The following PDE2A variants were observed in gnomAD, a reference collection of about 807,000 sequenced individuals.
The protein encoded by PDE2A is phosphodiesterase 2A.
In PDE2A, 53 loss-of-function variants were observed where a neutral mutation model predicts 133.6. The observed-to-expected ratio is 0.40, with a 90% CI of 0.32 to 0.50. PDE2A has a LOEUF of 0.50. PDE2A is among the 20% of genes least tolerant of loss of function. The pLI is 0.73. For synonymous variants in PDE2A, 491 were observed against 490.2 expected, an observed-to-expected ratio of 1.00 and a Z score of -0.02; for missense variants, 796 against 1,232.4, an observed-to-expected ratio of 0.65 and a Z score of 5.30.
chr11:72,661,572 A>T (rs1855064268), intron 1 of PDE2A, among the ~76,000 whole-genome samples: 1 of 152,204 alleles, frequency 6.6e-6, no homozygotes. Context: ...GGGAGTATGG[A>T]AAGGCCCCTA....
chr11:72,585,757 A>T (rs1855941046), intron 14 of PDE2A, among the ~76,000 whole-genome samples, 164 bp from the exon 15 acceptor site: 1 of 152,236 alleles, frequency 6.6e-6, no homozygotes, highest in Non-Finnish European at 1.5e-5. Flanking sequence ...CTACTAAGTG[A>T]AGGAGTGAGG....
intron 2 of PDE2A, chr11:72,615,154 A>C: frequency 2.1e-6 from 1 of 480,456 alleles, no homozygotes; most frequent in South Asian, 1.5e-5. Context: ...AGTGCCTCCC[A>C]AGGGTGTCCC....
chr11:72,584,740 G>C lies in PDE2A; in HGVS notation c.1360-12C>G. The C allele has an allele frequency of 6.2e-7, 1 of 1,613,008 alleles. No individual in the cohort carries two copies. The highest frequency in any genetic ancestry group is 2.2e-5 in the East Asian group (1 of 44,882). ...CGGATCTCATAGCTCTGCCGGAGCA[G>C]AGATGGAGTCGAGAGGAAGAAGTTA... is the stretch of plus-strand genomic sequence containing the variant. On this transcript the variant is annotated splice_polypyrimidine_tract_variant and intron_variant, in intron 17 of 30. Coordinates refer to ENST00000334456, the MANE Select transcript of PDE2A (RefSeq NM_002599.5).
intron 11 of PDE2A, 71 bp downstream of exon 11, chr11:72,589,680 G>A: frequency 7.7e-7 from 1 of 1,291,846 alleles, no homozygotes; most frequent in South Asian, 1.2e-5. Flanking sequence ...ACTCCAGGCA[G>A]ATCCCAGGAG....
chr11:72,580,939 T>C lies in PDE2A; in HGVS notation c.2080A>G (p.Met694Val), dbSNP rs1160121729. The C allele has an allele frequency of 3.1e-6, 5 of 1,613,308 alleles. No homozygotes were observed. Among genetic ancestry groups the C allele is most frequent in the Non-Finnish European group, 4.2e-6 (5 of 1,179,612 alleles). Residue 694 changes from methionine (M) to valine (V), a missense_variant, in exon 24 of 31, where the codon ATG (methionine) becomes GTG (valine). Transcript: ENST00000334456. Reference sequence around the variant, plus strand: ...CCTCTGTGGTCCAGGTCATGACACATGCAGGAAATAAACAAGGCAAAGATC... The same window carrying C: ...CCTCTGTGGTCCAGGTCATGACACACGCAGGAAATAAACAAGGCAAAGATC... ...IEIFALFISCMCHDLDHRGTN... is the reference protein window; with the variant it reads ...IEIFALFISCVCHDLDHRGTN...
In PDE2A at chr11:72,579,732, G is replaced by C. The variant is rs1591009738; in HGVS notation, c.2182-124C>G. 4 of 662,700 alleles carry C rather than the reference G, an allele frequency of 6.0e-6. No individual in the cohort carries two copies. The Admixed American group carries it at 1.1e-4, about 18-fold the overall frequency. 41.1% of individuals were successfully genotyped at this position (662,700 alleles called of 1,614,324 possible). A position where few individuals can be genotyped will look rare whatever the true frequency, so the allele number is the denominator to read the frequency against. ...CCAGGTCAGCAGAGCAGTCAGAAAG[G>C]GGGAGTCAGGGGCCCCAGTTCCCTT... On this transcript the variant is annotated intron_variant, in intron 25 of 30. Transcript: ENST00000334456.
At chr11:72,663,417 C>G (rs897814233) in intron 1 of PDE2A, among the ~76,000 whole-genome samples, 5 of 152,166 alleles carry the variant, frequency 3.3e-5, no homozygotes, top group African/African-American at 1.2e-4. Flanking sequence ...ACTCAGGAGA[C>G]CTCAGTGAAT....
rs200300128 is a variant in PDE2A, at chr11:72,591,309, C to T, written c.537G>A (p.Ala179=). The T allele has an allele frequency of 1.3e-5, 21 of 1,613,584 alleles. No individual in the cohort carries two copies. Among genetic ancestry groups the T allele is most frequent in the South Asian group, 4.4e-5 (4 of 91,072 alleles). ...CACTCCCACTCACATGCTTCTCCAC[C>T]GCCTGCAGGCTCCATTCCTCATTAT... ...LSDNEEWSLQ[A]VEKHTLVALR... The change falls in exon 7 of 31, where the codon GCG becomes GCA. Residue 179 remains alanine (A), a synonymous_variant. Coordinates refer to ENST00000334456, the MANE Select transcript of PDE2A (RefSeq NM_002599.5).
chr11:72,594,336 T>C (rs1856379480), intron 6 of PDE2A, among the ~76,000 whole-genome samples: 1 of 152,188 alleles, frequency 6.6e-6, no homozygotes. Flanking sequence ...TTCTGCACCC[T>C]CTGCCCTCAG....
chr11:72,639,608 G>T (rs1224942696), intron 2 of PDE2A, among the ~76,000 whole-genome samples: 2 of 152,064 alleles, frequency 1.3e-5, no homozygotes, highest in African/African-American at 4.8e-5. Flanking sequence ...TTGCTGCCAC[G>T]TGCATCCTCT....
At position 72,597,390 on chromosome 11, in the gene PDE2A, G is replaced by C; in HGVS notation, c.433+120C>G. On this transcript the variant is annotated intron_variant, in intron 5 of 30. Coordinates refer to ENST00000334456, the MANE Select transcript of PDE2A (RefSeq NM_002599.5). This position sits in a 1 kb window ranked among gnomAD's most constrained non-coding sequence, Gnocchi z 4.6. The stretch of plus-strand genomic sequence containing the variant: ...AGATGGAGGGACTGCTAGAGACACA[G>C]AGCAAGAGAAAGAAGGAGACAGAGA... 3.2e-6 allele frequency: 2 copies of C among 626,896 alleles called. No homozygotes were observed. The highest frequency in any genetic ancestry group is 5.7e-6 in the Non-Finnish European group (2 of 351,840). The allele number at this position is 626,896 out of a possible 1,614,324, so 38.8% of individuals were successfully genotyped here.
chr11:72,642,472 CCCCGCCCCGG>C lies in PDE2A; in HGVS notation c.72-156_72-147del, dbSNP rs1448664958. 99 of 862,936 alleles carry C rather than the reference CCCCGCCCCGG, an allele frequency of 1.1e-4. 1 individual carries two copies. The highest frequency in any genetic ancestry group is 4.1e-4 in the East Asian group (4 of 9,824). 53.5% of individuals were successfully genotyped at this position (862,936 alleles called of 1,614,324 possible). ...TGGTCCGCCCGAGTGTCCGCCCCGG[CCCCGCCCCGG>C]CCCGCCCCCCGCCCGCCCCCGGCCC... On this transcript the variant is annotated intron_variant, in intron 1 of 30. Coordinates refer to ENST00000334456, the MANE Select transcript of PDE2A (RefSeq NM_002599.5).
rs566392457 is a variant in PDE2A, at chr11:72,672,726, C to A, written c.71+1411G>T. 5.3e-5 allele frequency among the ~76,000 whole-genome samples: 8 copies of A among 150,050 alleles called. No individual in the cohort carries two copies. In the South Asian group the frequency reaches 1.7e-3, roughly 32 times the overall value. The stretch of plus-strand genomic sequence containing the variant: ...CCACCTGTTAGCATGACGTTGATCT[C>A]TACTGCTTAATTATTCTCAAGCTAT... On this transcript the variant is annotated intron_variant, in intron 1 of 30. Coordinates refer to ENST00000334456, the MANE Select transcript of PDE2A (RefSeq NM_002599.5).
intron 2 of PDE2A, among the ~76,000 whole-genome samples, chr11:72,641,632 G>C (rs992246887): frequency 2.0e-5 from 3 of 152,338 alleles, no homozygotes; most frequent in African/African-American, 7.2e-5. Flanking sequence ...CACGAGGAAA[G>C]ACTCGGAGAT....
intron 25 of PDE2A, 30 bp from the exon 26 acceptor site, chr11:72,579,638 C>T: frequency 1.3e-6 from 2 of 1,542,938 alleles, no homozygotes; most frequent in Non-Finnish European, 1.8e-6. Context: ...GGGGGCCCAG[C>T]TGGGGCAGAT....
chr11:72,609,887 G>A (rs1857126952), intron 2 of PDE2A, among the ~76,000 whole-genome samples: 1 of 151,828 alleles, frequency 6.6e-6, no homozygotes, highest in African/African-American at 2.4e-5. Flanking sequence ...TTCAGCATGA[G>A]CCCACAGTGT....
intron 4 of PDE2A, chr11:72,599,094 G>A (rs1856618451): frequency 1.1e-6 from 1 of 941,010 alleles, no homozygotes; most frequent in African/African-American, 1.8e-5. Flanking sequence ...TGGTTAACCG[G>A]AGGCCACAAG....
rs763194061 is a variant in PDE2A at position 72,580,973 on chromosome 11, C to T, written c.2046G>A (p.Glu682=). 1 of 1,607,108 alleles carries T rather than the reference C, an allele frequency of 6.2e-7. No individual in the cohort carries two copies. The highest frequency in any genetic ancestry group is 8.5e-7 in the Non-Finnish European group (1 of 1,173,762). Residue 682 remains glutamate (E), a splice_region_variant and synonymous_variant, in exon 24 of 31, where the codon GAG becomes GAA. Coordinates refer to ENST00000334456, the MANE Select transcript of PDE2A (RefSeq NM_002599.5). ...TAAACAAGGCAAAGATCTCGATGTC[C>T]CTGGTTGAGAGGCAGAAAGGAGAAA... ...YKNLELTNYL[E]DIEIFALFIS... is the part of the protein sequence containing the mutation.
intron 14 of PDE2A, 146 bp from the exon 15 acceptor site, chr11:72,585,739 T>A (rs1855940175): frequency 1.4e-6 from 1 of 710,548 alleles, no homozygotes; most frequent in Non-Finnish European, 2.4e-6. Flanking sequence ...TCTAATTATA[T>A]CATTTGGCTA....
Sources: gnomAD v4.1 joint callset for allele counts (sites outside exome capture counted in the v4.1 genomes callset) on GRCh38, gnomAD v4.1.1 for gene constraint, Gnocchi (gnomAD v3.1) non-coding constraint, MANE v1.5 for transcripts, NCBI Gene and HGNC (gene_info 2026-07-23, HGNC 2026-07-21) for gene names.